PROSER2: variants seen among roughly 807,000 people sequenced by gnomAD.
The protein encoded by PROSER2 is proline and serine-rich protein 2.
PROSER2 carries 18 observed loss-of-function variants against 14.6 expected under a neutral mutation model. The observed-to-expected ratio is 1.23, with a 90% CI of 0.85 to 1.83. PROSER2 has a LOEUF of 1.83. Among genes scored for constraint, PROSER2 ranks in the 40% most tolerant of loss-of-function variants. The pLI is 0.00. For synonymous variants in PROSER2, 367 were observed against 286.4 expected (o/e 1.28, Z -2.84); for missense variants, 823 against 629.8 (o/e 1.31, Z -3.28).
chr10:11,833,854 G>A lies in PROSER2; in HGVS notation c.-82+10384G>A, dbSNP rs539988671. On this transcript the variant is annotated intron_variant, in intron 1 of 3. Coordinates refer to ENST00000277570, the MANE Select transcript of PROSER2 (RefSeq NM_153256.4). ...TCAACAGCAGACATGAGAGTCCGGC[G>A]GGGAGGCCAGTGATGAAGGAGTCAC... Among the ~76,000 whole-genome samples the A allele has an allele frequency of 4.2e-3, 640 of 152,236 alleles. 1 individual carries two copies. The highest frequency in any genetic ancestry group is 6.6e-3 in the Non-Finnish European group (447 of 68,012).
chr10:11,869,298 G>T lies in PROSER2; in HGVS notation c.392-192G>T. On this transcript the variant is annotated intron_variant, in intron 3 of 3. Transcript: ENST00000277570. The surrounding 1 kb of genome is among the most constrained non-coding windows in gnomAD (Gnocchi z 4.4). Reference sequence around the variant, plus strand: ...CGTGATTGTCCCTTATCAGCGTGAGGTCATGAGCATGACATACCACCTTCT... The same window carrying T: ...CGTGATTGTCCCTTATCAGCGTGAGTTCATGAGCATGACATACCACCTTCT... 1 of 609,026 alleles carries T rather than the reference G, an allele frequency of 1.6e-6. No individual in the cohort carries two copies. 37.7% of individuals were successfully genotyped at this position (609,026 alleles called of 1,614,324 possible). A position where few individuals can be genotyped will look rare whatever the true frequency, so the allele number is the denominator to read the frequency against.
rs1834259818 is a variant in PROSER2, at chr10:11,862,292, C to T, written c.139-4239C>T. 6.6e-6 allele frequency among the ~76,000 whole-genome samples: 1 copy of T among 152,140 alleles called. No homozygotes were observed. Among genetic ancestry groups the T allele is most frequent in the East Asian group, 1.9e-4 (1 of 5,200 alleles). ...TTATGTGAATATGCAAATTGACAAA[C>T]TGATACTAAAATTTATGTGGAAATA... On this transcript the variant is annotated intron_variant, in intron 2 of 3. Coordinates refer to ENST00000277570, the MANE Select transcript of PROSER2 (RefSeq NM_153256.4). This position sits in a 1 kb window ranked among gnomAD's most constrained non-coding sequence, Gnocchi z 4.2.
chr10:11,852,460 G>A (rs889518795), intron 2 of PROSER2, among the ~76,000 whole-genome samples: 12 of 152,218 alleles, frequency 7.9e-5, no homozygotes, highest in South Asian at 2.1e-4. Flanking sequence ...CTGCTTAGAC[G>A]TAGATAGGAC....
At position 11,836,789 on chromosome 10, in the gene PROSER2, AG is replaced by A. The variant is rs1833766849; in HGVS notation, c.-82+13321del. ...TTAATGGTGGGTGTCTGGACAAGGT[AG>A]GAGAGTCTATAAACCTATACCGAAG... On this transcript the variant is annotated intron_variant, in intron 1 of 3. Coordinates refer to ENST00000277570, the MANE Select transcript of PROSER2 (RefSeq NM_153256.4). The surrounding 1 kb of genome is among the most constrained non-coding windows in gnomAD (Gnocchi z 4.6). 6.6e-6 allele frequency among the ~76,000 whole-genome samples: 1 copy of A among 152,206 alleles called. No individual in the cohort carries two copies. Among genetic ancestry groups the A allele is most frequent in the South Asian group, 2.1e-4 (1 of 4,830 alleles).
intron 1 of PROSER2, among the ~76,000 whole-genome samples, chr10:11,834,282 C>T (rs113101611): frequency 1.3e-5 from 2 of 151,370 alleles, no homozygotes; most frequent in Non-Finnish European, 2.9e-5. Context: ...CGTGAGCCAC[C>T]GCGCCTGGCC....
intron 1 of PROSER2, among the ~76,000 whole-genome samples, chr10:11,831,507 T>C (rs1395588371): frequency 6.6e-6 from 1 of 152,182 alleles, no homozygotes; most frequent in Non-Finnish European, 1.5e-5. Flanking sequence ...GTAAAAAACA[T>C]GCAGTGTCTC....
chr10:11,841,276 C>T (rs1158033519), intron 1 of PROSER2, among the ~76,000 whole-genome samples: 2 of 152,016 alleles, frequency 1.3e-5, no homozygotes, highest in Admixed American at 6.6e-5. Flanking sequence ...CTTTTCAACA[C>T]CCATGGCACC....
rs11257364 is a variant in PROSER2, at chr10:11,856,923, G to A, written c.138+4708G>A. On this transcript the variant is annotated intron_variant, in intron 2 of 3. Transcript: ENST00000277570. This position sits in a 1 kb window ranked among gnomAD's most constrained non-coding sequence, Gnocchi z 5.3. The stretch of plus-strand genomic sequence containing the variant: ...CCGGAGGTGCCTTGAGGGAGGAGCC[G>A]CCCCATCAGCCATAACCCCGCCCTT... Among the ~76,000 whole-genome samples the A allele has an allele frequency of 0.098, 14,982 of 152,156 alleles. 781 individuals carry two copies. The highest frequency in any genetic ancestry group is 0.14 in the African/African-American group (5,756 of 41,482).
At chr10:11,855,148 T>TG (rs1412792341) in intron 2 of PROSER2, among the ~76,000 whole-genome samples, 1 of 134,826 alleles carries the variant, frequency 7.4e-6, no homozygotes, top group Non-Finnish European at 1.6e-5. Context: ...AGGTTTTTTG[T>TG]TTTTTTTTTT....
chr10:11,843,458 C>A (rs187646406), intron 1 of PROSER2, among the ~76,000 whole-genome samples: 1 of 151,146 alleles, frequency 6.6e-6, no homozygotes. Context: ...GAGGCCAAGG[C>A]GGGCAGATCA....
In PROSER2 at chr10:11,866,480, G is replaced by A. The variant is rs558386532; in HGVS notation, c.139-51G>A. 2.0e-5 allele frequency: 32 copies of A among 1,599,250 alleles called. 2 individuals are homozygous for A. In the South Asian group the frequency reaches 3.5e-4, roughly 18 times the overall value. ...CTTTGCTTCAGCTTTTGTCTCTTTA[G>A]TGAAGCCAGTGTTTGTTTTCTCTCT... On this transcript the variant is annotated intron_variant, in intron 2 of 3. Transcript: ENST00000277570. This position sits in a 1 kb window ranked among gnomAD's most constrained non-coding sequence, Gnocchi z 6.0.
chr10:11,842,705 G>A (rs1433298566), intron 1 of PROSER2, among the ~76,000 whole-genome samples: 2 of 151,658 alleles, frequency 1.3e-5, no homozygotes, highest in Non-Finnish European at 2.9e-5. Context: ...GACTCGCTCT[G>A]TTTTTATTTA....
intron 1 of PROSER2, chr10:11,849,740 A>T (rs1390286471): frequency 6.6e-6 from 1 of 152,318 alleles, no homozygotes; most frequent in Non-Finnish European, 1.5e-5. Flanking sequence ...TGTAGAGAAG[A>T]GGGAGAAGGC....
chr10:11,842,915 C>G (rs1187977218), intron 1 of PROSER2, among the ~76,000 whole-genome samples: 6 of 107,356 alleles, frequency 5.6e-5, no homozygotes, highest in Middle Eastern at 4.4e-3. Context: ...ATTTTCTATA[C>G]TATTTTGCCA....
chr10:11,843,061 C>T (rs1441641733), intron 1 of PROSER2, among the ~76,000 whole-genome samples: 3 of 149,672 alleles, frequency 2.0e-5, no homozygotes, highest in African/African-American at 7.3e-5. Flanking sequence ...CTGCCTCAGC[C>T]TCCCGAGTAG....
At chr10:11,868,212 G>A (rs1221826620) in intron 3 of PROSER2, among the ~76,000 whole-genome samples, 1 of 152,188 alleles carries the variant, frequency 6.6e-6, no homozygotes, top group Non-Finnish European at 1.5e-5. Context: ...TCATGCCAAG[G>A]AAAACACTCT....
rs1321462952 is a variant in PROSER2 at position 11,856,148 on chromosome 10, C to T, written c.138+3933C>T. On this transcript the variant is annotated intron_variant, in intron 2 of 3. Coordinates refer to ENST00000277570, the MANE Select transcript of PROSER2 (RefSeq NM_153256.4). This position sits in a 1 kb window ranked among gnomAD's most constrained non-coding sequence, Gnocchi z 5.3. ...AGTGTGCTTGTGGAGCTTACTACCT[C>T]GAGAGGTGATGCAGGCACAAAATAA... is the stretch of plus-strand genomic sequence containing the variant. 2.0e-5 allele frequency among the ~76,000 whole-genome samples: 3 copies of T among 152,122 alleles called. No individual in the cohort carries two copies. The highest frequency in any genetic ancestry group is 6.5e-5 in the Admixed American group (1 of 15,276).
Position 11,857,913 on chromosome 10 carries a change from A to C in PROSER2, c.138+5698A>C, listed in dbSNP as rs942542033. 3.3e-5 allele frequency among the ~76,000 whole-genome samples: 5 copies of C among 152,002 alleles called. No homozygotes were observed. In the South Asian group the frequency reaches 6.2e-4, roughly 19 times the overall value. On this transcript the variant is annotated intron_variant, in intron 2 of 3. Transcript: ENST00000277570. ...CACAGGGGGTTGCCACAATTGTCTT[A>C]GTCTGCAGTTAAACTAAATTTCTTT... is the stretch of plus-strand genomic sequence containing the variant.
rs1049060580 is a variant in PROSER2, at chr10:11,837,647, C to A, written c.-82+14177C>A. Among the ~76,000 whole-genome samples, 1 of 152,200 alleles carries A rather than the reference C, an allele frequency of 6.6e-6. No individual in the cohort carries two copies. Among genetic ancestry groups the A allele is most frequent in the Non-Finnish European group, 1.5e-5 (1 of 68,038 alleles). ...TTAAGGGGAATAATTTTTCCATTCA[C>A]GTTCAGAACTACCAAAGACAGTAAT... On this transcript the variant is annotated intron_variant, in intron 1 of 3. Coordinates refer to ENST00000277570, the MANE Select transcript of PROSER2 (RefSeq NM_153256.4). The surrounding 1 kb of genome is among the most constrained non-coding windows in gnomAD (Gnocchi z 4.6).
Sources: allele counts gnomAD v4.1 joint callset (sites outside exome capture counted in the v4.1 genomes callset), GRCh38; gene constraint gnomAD v4.1.1; non-coding constraint Gnocchi (gnomAD v3.1); transcripts MANE v1.5; gene names NCBI Gene and HGNC (gene_info 2026-07-23, HGNC 2026-07-21).